The following PCDHA1 variants were observed in gnomAD, a reference collection of about 807,000 sequenced individuals.
PCDHA1 encodes protocadherin alpha 1.
Under a neutral mutation model 61.3 loss-of-function variants are expected in PCDHA1, and 42 were observed. That is an observed-to-expected ratio of 0.69 (90% CI 0.54 to 0.89). The LOEUF is 0.89. Ranked by LOEUF, PCDHA1 falls within the 40% of genes least tolerant of loss-of-function variation. PCDHA1 has a pLI of 0.00. For synonymous variants in PCDHA1, 610 were observed against 553.8 expected, an observed-to-expected ratio of 1.10 and a Z score of -1.43; for missense variants, 1,256 against 1,235.3, an observed-to-expected ratio of 1.02 and a Z score of -0.25.
chr5:140,882,213 T>C, intron 1 of PCDHA1: 2 of 1,538,576 alleles, frequency 1.3e-6, no homozygotes, highest in Non-Finnish European at 1.8e-6. Flanking sequence ...TGAGAGACAG[T>C]TTGAGGTAAG....
intron 1 of PCDHA1, chr5:140,967,558 C>G (rs1554229674): frequency 6.2e-7 from 1 of 1,614,050 alleles, no homozygotes; most frequent in South Asian, 1.1e-5. Flanking sequence ...CTTATCGCGT[C>G]CAGCTACGGG....
At chr5:140,800,239 C>T (rs1762529008) in intron 1 of PCDHA1, among the ~76,000 whole-genome samples, 1 of 152,056 alleles carries the variant, frequency 6.6e-6, no homozygotes, top group Non-Finnish European at 1.5e-5. Context: ...ATACAAATCA[C>T]ATTCCCACAA....
intron 1 of PCDHA1, chr5:140,869,657 A>G (rs2051312714): frequency 6.2e-7 from 1 of 1,613,452 alleles, no homozygotes; most frequent in South Asian, 1.1e-5. Flanking sequence ...TCACCAACAA[A>G]TGGTAAGCAG....
intron 1 of PCDHA1, among the ~76,000 whole-genome samples, chr5:140,903,708 T>C (rs1460220411): frequency 1.3e-5 from 2 of 152,212 alleles, no homozygotes; most frequent in Non-Finnish European, 2.9e-5. Context: ...AGTAATAAAA[T>C]ATACAATTCT....
In PCDHA1 at chr5:140,806,050, C is replaced by T. The variant is rs114948794; in HGVS notation, c.2394+17366C>T. Among the ~76,000 whole-genome samples the T allele has an allele frequency of 6.5e-3, 995 of 152,236 alleles. 12 individuals carry two copies. Among genetic ancestry groups the T allele is most frequent in the Non-Finnish European group, 9.3e-3 (633 of 68,002 alleles). On this transcript the variant is annotated intron_variant, in intron 1 of 3. Coordinates refer to ENST00000504120, the MANE Select transcript of PCDHA1 (RefSeq NM_018900.4). ...ATAAATTAATGTAATAAATGGCCCA[C>T]GCGATTCCACCCTGGTGCTGCAGTT...
Position 140,838,073 on chromosome 5 carries a change from ATATAGTGTGTGT to A in PCDHA1, c.2394+49390_2394+49401del, listed in dbSNP as rs1161120523. Among the ~76,000 whole-genome samples the A allele has an allele frequency of 1.4e-3, 180 of 126,834 alleles. 3 individuals are homozygous for A. Among genetic ancestry groups the A allele is most frequent in the South Asian group, 4.9e-3 (18 of 3,638 alleles). The allele number at this position is 126,834 out of a possible 152,430, so 83.2% of individuals were successfully genotyped here. ...TGGTTTTCCACTTTAAGTTATATATATATAGTGTGTGTGTGTGTGTGTGTGTGTGTGTGTGTG... is the reference window on the plus strand; with the variant it reads ...TGGTTTTCCACTTTAAGTTATATATAGTGTGTGTGTGTGTGTGTGTGTGTG... On this transcript the variant is annotated intron_variant, in intron 1 of 3. Coordinates refer to ENST00000504120, the MANE Select transcript of PCDHA1 (RefSeq NM_018900.4).
At chr5:140,870,052 A>G (rs782520778) in intron 1 of PCDHA1, 7 of 1,613,830 alleles carry the variant, frequency 4.3e-6, no homozygotes, top group Non-Finnish European at 5.1e-6. Flanking sequence ...GTTTTATAAA[A>G]TTGAAGTACA....
intron 1 of PCDHA1, chr5:140,863,602 T>G: frequency 1.4e-5 from 5 of 354,858 alleles, no homozygotes; most frequent in South Asian, 1.1e-4. Flanking sequence ...TTCATTCCTA[T>G]TAATGTCCCT....
chr5:140,850,299 G>C (rs2150478562), intron 1 of PCDHA1: 2 of 1,596,610 alleles, frequency 1.3e-6, no homozygotes, highest in East Asian at 2.2e-5. Context: ...CGCCGACTCG[G>C]GCTACAACGC....
chr5:140,795,286 G>A, intron 1 of PCDHA1: 2 of 1,614,252 alleles, frequency 1.2e-6, no homozygotes, highest in Non-Finnish European at 1.7e-6. Flanking sequence ...CCACGTGGAG[G>A]TGATCGTGGA....
chr5:140,881,679 A>G (rs2058790767), intron 1 of PCDHA1, among the ~76,000 whole-genome samples: 1 of 152,220 alleles, frequency 6.6e-6, no homozygotes, highest in Non-Finnish European at 1.5e-5. Flanking sequence ...TGTGATTGTT[A>G]TGTTTCCTTT....
chr5:140,786,239 G>T lies in PCDHA1; in HGVS notation c.-52G>T. 7 of 1,516,662 alleles carry T rather than the reference G, an allele frequency of 4.6e-6. No homozygotes were observed. Among genetic ancestry groups the T allele is most frequent in the Non-Finnish European group, 6.2e-6 (7 of 1,131,926 alleles). The allele number at this position is 1,516,662 out of a possible 1,614,324, so 94.0% of individuals were successfully genotyped here. A position where few individuals can be genotyped will look rare whatever the true frequency, so the allele number is the denominator to read the frequency against. On this transcript the variant is annotated 5_prime_UTR_variant, in exon 1 of 4. The change abolishes an upstream ATG in the 5' untranslated region. Transcript: ENST00000504120. ...AATGATTGGAAATATTAGATAAAAT[G>T]GCATGATTTTGAAGTAAGAGGAGAG...
At position 140,829,707 on chromosome 5, in the gene PCDHA1, AC is replaced by A. The variant is rs2150172944; in HGVS notation, c.2394+41024del. On this transcript the variant is annotated intron_variant, in intron 1 of 3. Transcript: ENST00000504120. ...CTGCAGTTTCAGGTGAGCGCGCGCG[AC>A]GCGGGCGTGCCGCCTCTGGGCAGCA... is the stretch of plus-strand genomic sequence containing the variant. 3.1e-6 allele frequency: 5 copies of A among 1,613,270 alleles called. No individual in the cohort carries two copies. In the East Asian group the frequency reaches 1.1e-4, roughly 36 times the overall value.
Position 140,968,209 on chromosome 5 carries a change from C to A in PCDHA1, c.2395-10740C>A, listed in dbSNP as rs781795931. The A allele has an allele frequency of 2.5e-6, 4 of 1,613,884 alleles. No homozygotes were observed. In the African/African-American group the frequency reaches 4.0e-5, roughly 16 times the overall value. Reference sequence around the variant, plus strand: ...CCTATTCCATCTACATACAGGAGAACAATTTGCCAGGTGTGTTGCTCTGTA... The same window carrying A: ...CCTATTCCATCTACATACAGGAGAAAAATTTGCCAGGTGTGTTGCTCTGTA... On this transcript the variant is annotated intron_variant, in intron 1 of 3. Coordinates refer to ENST00000504120, the MANE Select transcript of PCDHA1 (RefSeq NM_018900.4).
intron 1 of PCDHA1, chr5:140,802,294 G>A (rs992529407): frequency 6.2e-7 from 1 of 1,614,204 alleles, no homozygotes; most frequent in African/African-American, 1.3e-5. Context: ...TCTCCACTTA[G>A]CACAGTCATC....
At chr5:140,991,629 T>C (rs1466263798) in intron 3 of PCDHA1, among the ~76,000 whole-genome samples, 5 of 152,208 alleles carry the variant, frequency 3.3e-5, no homozygotes, top group African/African-American at 1.2e-4. Context: ...ATATTTGTAA[T>C]AACAATCTGT....
At chr5:140,836,620 G>C (rs2150265891) in intron 1 of PCDHA1, 4 of 1,613,468 alleles carry the variant, frequency 2.5e-6, no homozygotes, top group Non-Finnish European at 3.4e-6. Context: ...AGCGCGGTGG[G>C]GAGCTGGTCA....
chr5:140,836,144 G>T (rs2150253955), intron 1 of PCDHA1: 2 of 1,613,780 alleles, frequency 1.2e-6, no homozygotes, highest in Non-Finnish European at 1.7e-6. Context: ...CTGTGGGCGC[G>T]GGCCATGTGG....
At chr5:140,923,275 C>CA (rs1328074482) in intron 1 of PCDHA1, among the ~76,000 whole-genome samples, 5 of 152,128 alleles carry the variant, frequency 3.3e-5, no homozygotes, top group African/African-American at 9.7e-5. Flanking sequence ...CTTGTCTCTA[C>CA]AAAAAATTAA....
Sources: allele counts gnomAD v4.1 joint callset (sites outside exome capture counted in the v4.1 genomes callset), GRCh38; gene constraint gnomAD v4.1.1; transcripts MANE v1.5; gene names NCBI Gene and HGNC (gene_info 2026-07-23, HGNC 2026-07-21).